Variants in GFRA2 observed in about 807,000 individuals in gnomAD.
GFRA2 encodes GDNF family receptor alpha-2.
GFRA2 carries 17 observed loss-of-function variants against 48.3 expected under a neutral mutation model. That is an observed-to-expected ratio of 0.35 (90% CI 0.24 to 0.53). The LOEUF (loss-of-function observed/expected upper bound fraction) is 0.53, where lower values mean the gene tolerates loss of function less well. GFRA2 is among the 20% of genes least tolerant of loss of function. The probability of loss-of-function intolerance (pLI) is 0.93; values close to 1 mark genes in which losing one functional copy is unlikely to be tolerated. For synonymous variants in GFRA2, 305 were observed against 257.2 expected, an observed-to-expected ratio of 1.19 and a Z score of -1.78; for missense variants, 660 against 637.3, an observed-to-expected ratio of 1.04 and a Z score of -0.38.
intron 4 of GFRA2, among the ~76,000 whole-genome samples, chr8:21,722,612 C>G (rs1439096891): frequency 1.3e-5 from 2 of 152,166 alleles, no homozygotes; most frequent in African/African-American, 4.8e-5. Flanking sequence ...AGTGAGCTCT[C>G]CCATGTGTCC....
chr8:21,736,555 G>T (rs537107878), intron 4 of GFRA2, among the ~76,000 whole-genome samples: 2 of 152,044 alleles, frequency 1.3e-5, no homozygotes, highest in African/African-American at 4.8e-5. Flanking sequence ...CAATGCAGTG[G>T]CAAGATCATA....
Position 21,788,545 on chromosome 8 carries a change from G to GAGAGAGGCGATTTGCGA in GFRA2, c.-403_-387dup, listed in dbSNP as rs1396140999. The GAGAGAGGCGATTTGCGA allele has an allele frequency of 2.0e-6, 2 of 1,018,342 alleles. No individual in the cohort carries two copies. Among genetic ancestry groups the GAGAGAGGCGATTTGCGA allele is most frequent in the African/African-American group, 3.4e-5 (2 of 58,658 alleles). The allele number at this position is 1,018,342 out of a possible 1,614,324, so 63.1% of individuals were successfully genotyped here. A position where few individuals can be genotyped will look rare whatever the true frequency, so the allele number is the denominator to read the frequency against. On this transcript the variant is annotated 5_prime_UTR_variant, in exon 1 of 9. Coordinates refer to ENST00000524240, the MANE Select transcript of GFRA2 (RefSeq NM_001495.5). ...CCCAGGAGGGGCCTGGGGAGGTGGGGAGAGAGGCGATTTGCGAGTGAAGGG... is the reference window on the plus strand; with the variant it reads ...CCCAGGAGGGGCCTGGGGAGGTGGGGAGAGAGGCGATTTGCGAAGAGAGGCGATTTGCGAGTGAAGGG...
At chr8:21,709,893 T>C (rs927244464) in intron 4 of GFRA2, among the ~76,000 whole-genome samples, 6 of 151,998 alleles carry the variant, frequency 3.9e-5, no homozygotes, top group African/African-American at 1.5e-4. Context: ...GAATGGGGAG[T>C]ACATGGCTTC....
rs548995429 is a variant in GFRA2 at position 21,744,942 on chromosome 8, T to C, written c.794+5646A>G. On this transcript the variant is annotated intron_variant, in intron 4 of 8. Transcript: ENST00000524240. ...AAAGCTTCCACTCCCAGAGGCTCCA[T>C]CCTCAGCCACTGACCCCAAACTGCT... is the stretch of plus-strand genomic sequence containing the variant. Among the ~76,000 whole-genome samples, 45 of 152,220 alleles carry C rather than the reference T, an allele frequency of 3.0e-4. No individual in the cohort carries two copies. In the South Asian group the frequency reaches 9.2e-3, roughly 31 times the overall value.
At chr8:21,708,066 C>T (rs1327554652) in intron 4 of GFRA2, among the ~76,000 whole-genome samples, 3 of 152,208 alleles carry the variant, frequency 2.0e-5, no homozygotes, top group African/African-American at 7.2e-5. Context: ...TCTAGAGCTC[C>T]AACAAGGTGG....
chr8:21,733,898 G>A (rs983522387), intron 4 of GFRA2, among the ~76,000 whole-genome samples: 3 of 151,924 alleles, frequency 2.0e-5, no homozygotes, highest in South Asian at 2.1e-4. Flanking sequence ...CCCAGGCTCC[G>A]ACAAAAGAAA....
At chr8:21,735,749 C>T (rs924618630) in intron 4 of GFRA2, among the ~76,000 whole-genome samples, 11 of 152,264 alleles carry the variant, frequency 7.2e-5, no homozygotes, top group African/African-American at 2.6e-4. Flanking sequence ...TGCAGCCTTG[C>T]CTGACCTCCA....
rs1182116412 is a variant in GFRA2 at position 21,783,039 on chromosome 8, G to A, written c.41-140C>T. ...CACACCAAGGCGACTCTGTGGGACA[G>A]CCCTCCTCATACCCCAGGGAGAACT... is the stretch of plus-strand genomic sequence containing the variant. On this transcript the variant is annotated intron_variant, in intron 1 of 8. Transcript: ENST00000524240. The A allele has an allele frequency of 2.6e-5, 21 of 795,540 alleles. No homozygotes were observed. The East Asian group carries it at 4.3e-4, about 16-fold the overall frequency. The allele number at this position is 795,540 out of a possible 1,614,324, so 49.3% of individuals were successfully genotyped here. A position where few individuals can be genotyped will look rare whatever the true frequency, so the allele number is the denominator to read the frequency against.
At chr8:21,774,300 G>C (rs1017661426) in intron 3 of GFRA2, among the ~76,000 whole-genome samples, 5 of 152,134 alleles carry the variant, frequency 3.3e-5, no homozygotes. Context: ...CCTACATGTG[G>C]AGCCTGGCAG....
intron 3 of GFRA2, chr8:21,769,258 G>T: frequency 1.9e-6 from 1 of 521,502 alleles, no homozygotes; most frequent in Non-Finnish European, 2.1e-6. Context: ...CCCCAGCCCC[G>T]CCCCTGCCCT....
chr8:21,751,571 T>C (rs1489874717), intron 3 of GFRA2, among the ~76,000 whole-genome samples: 3 of 152,240 alleles, frequency 2.0e-5, no homozygotes, highest in Non-Finnish European at 2.9e-5. Flanking sequence ...AGTGCAGTTA[T>C]GCCAGCGAGA....
At position 21,705,144 on chromosome 8, in the gene GFRA2, G is replaced by A. The variant is rs371378233; in HGVS notation, c.905-19C>T. 1.9e-6 allele frequency: 3 copies of A among 1,602,278 alleles called. No homozygotes were observed. Among genetic ancestry groups the A allele is most frequent in the Non-Finnish European group, 2.6e-6 (3 of 1,175,032 alleles). Reference sequence around the variant, plus strand: ...TCAAACCCTGGGCAGGAAGAAAGGTGGGGGAGAGGAGAGAGGTACGGTGGG... The same window carrying A: ...TCAAACCCTGGGCAGGAAGAAAGGTAGGGGAGAGGAGAGAGGTACGGTGGG... On this transcript the variant is annotated intron_variant, in intron 5 of 8. Transcript: ENST00000524240.
chr8:21,699,606 C>T (rs1035756429), intron 7 of GFRA2, among the ~76,000 whole-genome samples: 1 of 152,190 alleles, frequency 6.6e-6, no homozygotes, highest in African/African-American at 2.4e-5. Context: ...GCAGCCCTCA[C>T]TGCACTGCCC....
chr8:21,743,685 T>C (rs1444393700), intron 4 of GFRA2, among the ~76,000 whole-genome samples: 2 of 152,158 alleles, frequency 1.3e-5, no homozygotes, highest in Non-Finnish European at 2.9e-5. Flanking sequence ...CTATAGATAA[T>C]CTGCTGGCCC....
At chr8:21,765,512 C>T (rs1806110010) in intron 3 of GFRA2, among the ~76,000 whole-genome samples, 1 of 151,964 alleles carries the variant, frequency 6.6e-6, no homozygotes, top group Admixed American at 6.6e-5. Flanking sequence ...CCTTTGCTAG[C>T]TCTTCCTCCT....
intron 3 of GFRA2, among the ~76,000 whole-genome samples, chr8:21,762,162 C>T (rs1300917691): frequency 6.6e-6 from 1 of 152,094 alleles, no homozygotes; most frequent in Non-Finnish European, 1.5e-5. Context: ...TCCTCTGCTC[C>T]ATCCCAAGCA....
chr8:21,800,884 C>T (rs1807757906), intron 2 of GFRA2, among the ~76,000 whole-genome samples: 1 of 151,080 alleles, frequency 6.6e-6, no homozygotes, highest in African/African-American at 2.4e-5. Flanking sequence ...TATGAGTGCA[C>T]CCCTGCACTC....
At chr8:21,705,888 G>T in intron 5 of GFRA2, 44 bp downstream of exon 5, 1 of 1,323,028 alleles carries the variant, frequency 7.6e-7, no homozygotes, top group Non-Finnish European at 1.1e-6. Context: ...CTGAGATGGG[G>T]GCAGCAAGGA....
At chr8:21,748,015 G>A (rs1805096395) in intron 4 of GFRA2, among the ~76,000 whole-genome samples, 1 of 151,958 alleles carries the variant, frequency 6.6e-6, no homozygotes, top group African/African-American at 2.4e-5. Context: ...TTCGCTCCAA[G>A]CCTTATCACT....
Sources: gnomAD v4.1 joint callset for allele counts (sites outside exome capture counted in the v4.1 genomes callset) on GRCh38, gnomAD v4.1.1 for gene constraint, MANE v1.5 for transcripts, NCBI Gene and HGNC (gene_info 2026-07-23, HGNC 2026-07-21) for gene names.